The following RSPH6A variants were observed in gnomAD, a reference collection of about 807,000 sequenced individuals.
RSPH6A encodes radial spoke head protein 6 homolog A.
RSPH6A carries 49 observed loss-of-function variants against 66.1 expected under a neutral mutation model. The observed-to-expected ratio is 0.74, with a 90% CI of 0.59 to 0.94. RSPH6A has a LOEUF of 0.94. Ranked by LOEUF, RSPH6A falls within the 40% of genes least tolerant of loss-of-function variation. RSPH6A has a pLI of 0.00. For synonymous variants in RSPH6A, 419 were observed against 402.4 expected, an observed-to-expected ratio of 1.04 and a Z score of -0.49; for missense variants, 977 against 948.3, an observed-to-expected ratio of 1.03 and a Z score of -0.40.
rs766303296 is a variant in RSPH6A, at chr19:45,804,324, C to G, written c.1581G>C (p.Glu527Asp). ...RDSYEENPDF[E>D]GIPVLELVDS... ...CGACCAGCTCCAGCACGGGGATGCC[C>G]TCGAAGTCCGGGTTCTCCTCGTAGG... The change falls in exon 3 of 6, where the codon GAG (glutamate) becomes GAC (aspartate). Residue 527 changes from glutamate (E) to aspartate (D), a missense_variant. By Grantham distance (45) the Glu-to-Asp change is conservative (BLOSUM62 2). Coordinates refer to ENST00000221538, the MANE Select transcript of RSPH6A (RefSeq NM_030785.4). The surrounding 1 kb of genome is among the most constrained non-coding windows in gnomAD (Gnocchi z 5.8). The G allele has an allele frequency of 3.3e-5, 54 of 1,614,080 alleles. No individual in the cohort carries two copies. Among genetic ancestry groups the G allele is most frequent in the Non-Finnish European group, 4.5e-5 (53 of 1,180,036 alleles).
chr19:45,800,982 G>A (rs1279219993), intron 4 of RSPH6A, among the ~76,000 whole-genome samples: 1 of 151,940 alleles, frequency 6.6e-6, no homozygotes, highest in Non-Finnish European at 1.5e-5. Context: ...ATTTTTAGTA[G>A]AGACAGGGTT....
intron 4 of RSPH6A, 59 bp downstream of exon 4, chr19:45,802,061 C>T: frequency 7.5e-7 from 1 of 1,341,154 alleles, no homozygotes; most frequent in Non-Finnish European, 9.7e-7. Flanking sequence ...CCAGCCACCC[C>T]TCCCTTTCTT....
At position 45,815,258 on chromosome 19, in the gene RSPH6A, G is replaced by C. The variant is rs1251522620; in HGVS notation, c.-82C>G. The C allele has an allele frequency of 7.2e-7, 1 of 1,391,522 alleles. No homozygotes were observed. Among genetic ancestry groups the C allele is most frequent in the Non-Finnish European group, 9.5e-7 (1 of 1,053,420 alleles). 86.2% of individuals were successfully genotyped at this position (1,391,522 alleles called of 1,614,324 possible). On this transcript the variant is annotated 5_prime_UTR_variant, in exon 1 of 6. Coordinates refer to ENST00000221538, the MANE Select transcript of RSPH6A (RefSeq NM_030785.4). Reference sequence around the variant, plus strand: ...CGAGAGCCACCTGTCGACACCGCCGGTTTCTGAGCACCGAGAGAGGGGGCC... The same window carrying C: ...CGAGAGCCACCTGTCGACACCGCCGCTTTCTGAGCACCGAGAGAGGGGGCC...
chr19:45,797,172 C>T (rs1384454159), intron 5 of RSPH6A, among the ~76,000 whole-genome samples: 3 of 151,736 alleles, frequency 2.0e-5, no homozygotes, highest in East Asian at 2.0e-4. Flanking sequence ...GTCAGGAGAT[C>T]GAGACCAGCC....
At position 45,804,700 on chromosome 19, in the gene RSPH6A, A is replaced by G; in HGVS notation, c.1205T>C (p.Ile402Thr). ...CGGCTTCCATACGGACTTAGGGACG[A>G]TGTCCACGGCCTTCTCCTCGTCCTC... is the stretch of plus-strand genomic sequence containing the variant. ...GEEDEEKAVD[I>T]VPKSVWKPPP... is the part of the protein sequence containing the mutation. Residue 402 changes from isoleucine to threonine, a missense_variant, in exon 3 of 6, where the codon ATC (isoleucine) becomes ACC (threonine). Ile to Thr is a moderately conservative substitution (Grantham distance 89). Coordinates refer to ENST00000221538, the MANE Select transcript of RSPH6A (RefSeq NM_030785.4). The surrounding 1 kb of genome is among the most constrained non-coding windows in gnomAD (Gnocchi z 5.8). 6.2e-7 allele frequency: 1 copy of G among 1,612,828 alleles called. No homozygotes were observed. The highest frequency in any genetic ancestry group is 8.5e-7 in the Non-Finnish European group (1 of 1,179,786).
chr19:45,803,449 G>A (rs1021581215), intron 3 of RSPH6A, among the ~76,000 whole-genome samples: 1 of 152,100 alleles, frequency 6.6e-6, no homozygotes, highest in Non-Finnish European at 1.5e-5. Context: ...GGCTGAGGCG[G>A]GCAGATCACC....
intron 1 of RSPH6A, among the ~76,000 whole-genome samples, chr19:45,811,751 ATTATTATTATTATTATTATT>A (rs1970632112): frequency 1.2e-5 from 1 of 83,582 alleles, no homozygotes; most frequent in Non-Finnish European, 2.3e-5. Context: ...TTGTATTATT[ATTATTATTATTATTATTATT>A]ATTATTATTA....
chr19:45,809,288 A>G (rs1325166444), intron 2 of RSPH6A, among the ~76,000 whole-genome samples: 1 of 136,490 alleles, frequency 7.3e-6, no homozygotes, highest in African/African-American at 2.8e-5. Context: ...GGTGTGAGCC[A>G]CTGCGCCTGG....
chr19:45,804,941 C>T lies in RSPH6A; in HGVS notation c.964G>A (p.Glu322Lys), dbSNP rs1363798859. The T allele has an allele frequency of 5.6e-6, 9 of 1,614,076 alleles. No homozygotes were observed. Among genetic ancestry groups the T allele is most frequent in the Non-Finnish European group, 6.8e-6 (8 of 1,180,052 alleles). Residue 322 changes from glutamate (E) to lysine (K), a missense_variant, in exon 3 of 6, where the codon GAG becomes AAG. Coordinates refer to ENST00000221538, the MANE Select transcript of RSPH6A (RefSeq NM_030785.4). The surrounding 1 kb of genome is among the most constrained non-coding windows in gnomAD (Gnocchi z 5.8). The part of the protein sequence containing the change: ...EQAGVGLSSD[E>K]SFRIFLAMKQ... ...ATGGCCAGGAAAATGCGGAAGCTCT[C>T]GTCCGAGCTCAGGCCGACGCCGGCC...
intron 5 of RSPH6A, among the ~76,000 whole-genome samples, chr19:45,797,098 T>C (rs116594533): frequency 0.027 from 4,039 of 149,890 alleles, 178 homozygotes; most frequent in African/African-American, 0.094. Context: ...GTAACTAGGC[T>C]GGACGCAGTG....
At chr19:45,806,436 G>T (rs551780514) in intron 2 of RSPH6A, among the ~76,000 whole-genome samples, 22 of 152,174 alleles carry the variant, frequency 1.4e-4, no homozygotes, top group Middle Eastern at 3.4e-3. Context: ...ACTTTGGGAG[G>T]CCAAGGCAGG....
In RSPH6A at chr19:45,815,071, G is replaced by A. The variant is rs151334205; in HGVS notation, c.106C>T (p.Leu36=). 1.9e-6 allele frequency: 3 copies of A among 1,613,394 alleles called. No individual in the cohort carries two copies. The highest frequency in any genetic ancestry group is 1.7e-5 in the Admixed American group (1 of 60,002). The change falls in exon 1 of 6, where the codon CTG becomes TTG. Residue 36 remains leucine, a synonymous_variant. Coordinates refer to ENST00000221538, the MANE Select transcript of RSPH6A (RefSeq NM_030785.4). ...TGCCTCTCCTCGGGGTCCGCTGCCAGGGCCTGAGCTTGGTCCCGACTGTGC... is the reference window on the plus strand; with the variant it reads ...TGCCTCTCCTCGGGGTCCGCTGCCAAGGCCTGAGCTTGGTCCCGACTGTGC... ...RRHSRDQAQA[L]AADPEERQQI...
In RSPH6A at chr19:45,804,127, T is replaced by C; in HGVS notation, c.1653+125A>G. The C allele has an allele frequency of 1.4e-6, 1 of 732,782 alleles. No homozygotes were observed. Among genetic ancestry groups the C allele is most frequent in the East Asian group, 2.7e-5 (1 of 36,986 alleles). 45.4% of individuals were successfully genotyped at this position (732,782 alleles called of 1,614,324 possible). A position where few individuals can be genotyped will look rare whatever the true frequency, so the allele number is the denominator to read the frequency against. ...AATATCTGTTGAACCAATGAATGGA[T>C]GGATGAATGAACGAATGAATATTAG... is the stretch of plus-strand genomic sequence containing the variant. On this transcript the variant is annotated intron_variant, in intron 3 of 5. Transcript: ENST00000221538. The surrounding 1 kb of genome is among the most constrained non-coding windows in gnomAD (Gnocchi z 5.8).
In RSPH6A at chr19:45,803,849, C is replaced by T. The variant is rs183694226; in HGVS notation, c.1653+403G>A. 4.0e-5 allele frequency among the ~76,000 whole-genome samples: 6 copies of T among 150,796 alleles called. No individual in the cohort carries two copies. The East Asian group carries it at 9.9e-4, about 25-fold the overall frequency. On this transcript the variant is annotated intron_variant, in intron 3 of 5. Transcript: ENST00000221538. ...CTCTACTAAAATACAAAAAATTAGCCAGGTGTGGCAGCGTGTGCCTGTAAT... is the reference window on the plus strand; with the variant it reads ...CTCTACTAAAATACAAAAAATTAGCTAGGTGTGGCAGCGTGTGCCTGTAAT...
intron 2 of RSPH6A, among the ~76,000 whole-genome samples, chr19:45,808,376 G>A (rs1352587379): frequency 3.3e-5 from 5 of 152,004 alleles, no homozygotes; most frequent in African/African-American, 4.8e-5. Context: ...GCAGTGAGCT[G>A]AGATCGTGCC....
intron 5 of RSPH6A, among the ~76,000 whole-genome samples, chr19:45,798,826 G>A (rs544803414): frequency 2.0e-4 from 30 of 146,452 alleles, no homozygotes; most frequent in South Asian, 4.4e-4. Context: ...GCAACAGAGC[G>A]AGACTCTATC....
rs1244643645 is a variant in RSPH6A at position 45,804,117 on chromosome 19, A to C, written c.1653+135T>G. 2.9e-6 allele frequency: 2 copies of C among 694,796 alleles called. No individual in the cohort carries two copies. Among genetic ancestry groups the C allele is most frequent in the African/African-American group, 3.6e-5 (2 of 55,928 alleles). 43.0% of individuals were successfully genotyped at this position (694,796 alleles called of 1,614,324 possible). On this transcript the variant is annotated intron_variant, in intron 3 of 5. Coordinates refer to ENST00000221538, the MANE Select transcript of RSPH6A (RefSeq NM_030785.4). This position sits in a 1 kb window ranked among gnomAD's most constrained non-coding sequence, Gnocchi z 5.8. ...ATTATCCGCTAATATCTGTTGAACC[A>C]ATGAATGGATGGATGAATGAACGAA... is the stretch of plus-strand genomic sequence containing the variant.
chr19:45,800,772 A>ACTCTCT (rs1369553910), intron 4 of RSPH6A, among the ~76,000 whole-genome samples: 2 of 98,246 alleles, frequency 2.0e-5, no homozygotes, highest in African/African-American at 7.3e-5. Flanking sequence ...ACACACACAC[A>ACTCTCT]CACTCTCTCT....
At chr19:45,811,147 C>A (rs935155766) in intron 1 of RSPH6A, among the ~76,000 whole-genome samples, 3 of 152,068 alleles carry the variant, frequency 2.0e-5, no homozygotes, top group African/African-American at 7.2e-5. Context: ...GCGCCCGCCA[C>A]CACGCCTGGT....
Sources: allele counts gnomAD v4.1 joint callset (sites outside exome capture counted in the v4.1 genomes callset), GRCh38; gene constraint gnomAD v4.1.1; non-coding constraint Gnocchi (gnomAD v3.1); transcripts MANE v1.5; gene names NCBI Gene and HGNC (gene_info 2026-07-23, HGNC 2026-07-21).